The following PSMD1 variants were observed in gnomAD, a reference collection of about 807,000 sequenced individuals.
The protein encoded by PSMD1 is proteasome 26S subunit, non-ATPase 1, also known as 26S proteasome non-ATPase regulatory subunit 1.
PSMD1 carries 18 observed loss-of-function variants against 119.0 expected under a neutral mutation model. The ratio of observed to expected loss-of-function variants is 0.15; its 90% confidence interval spans 0.10 to 0.22. PSMD1 has a LOEUF of 0.22. Among genes scored for constraint, PSMD1 ranks in the 10% least tolerant of loss-of-function variants. PSMD1 has a pLI of 1.00. For missense variants in PSMD1, 702 were observed against 1,158.5 expected, an observed-to-expected ratio of 0.61 and a Z score of 5.72; for synonymous variants, 374 against 396.6, an observed-to-expected ratio of 0.94 and a Z score of 0.68.
At chr2:231,113,909 G>C (rs1695245697) in intron 16 of PSMD1, 1 of 1,614,106 alleles carries the variant, frequency 6.2e-7, no homozygotes, top group South Asian at 1.1e-5. Flanking sequence ...CATAGAACAA[G>C]TGGGAGGGGC....
At chr2:231,104,151 C>T (rs1694929068) in intron 16 of PSMD1, among the ~76,000 whole-genome samples, 1 of 152,140 alleles carries the variant, frequency 6.6e-6, no homozygotes, top group South Asian at 2.1e-4. Flanking sequence ...CAATATAAAT[C>T]AGTGGCTTGG....
chr2:231,134,345 G>C (rs1308030425), intron 16 of PSMD1, among the ~76,000 whole-genome samples: 1 of 152,168 alleles, frequency 6.6e-6, no homozygotes, highest in African/African-American at 2.4e-5. Context: ...ATCCAAAAAA[G>C]ATTTAGAACC....
chr2:231,148,950 C>T (rs1696310688), intron 18 of PSMD1, among the ~76,000 whole-genome samples: 1 of 152,114 alleles, frequency 6.6e-6, no homozygotes, highest in South Asian at 2.1e-4. Flanking sequence ...AAAACCAGTC[C>T]ATGAAATAAA....
Position 231,085,025 on chromosome 2 carries a change from A to G in PSMD1, c.1729A>G (p.Ile577Val), listed in dbSNP as rs764317805. The G allele has an allele frequency of 1.3e-5, 21 of 1,613,022 alleles. No homozygotes were observed. In the East Asian group the frequency reaches 2.0e-4, roughly 15 times the overall value. The change falls in exon 15 of 25, where the codon ATT becomes GTT. Residue 577 changes from isoleucine (I) to valine (V), a missense_variant. By Grantham distance (29) the Ile-to-Val change is conservative. Transcript: ENST00000308696. ...GTTAAATTATTTTTCTTAGGACCCA[A>G]TTCTTCGAAGGTCTGGAATGTATAC... ...IESLCRDKDP[I>V]LRRSGMYTVA...
chr2:231,056,954 G>A lies in PSMD1; in HGVS notation c.-72G>A. 1 of 1,533,606 alleles carries A rather than the reference G, an allele frequency of 6.5e-7. No individual in the cohort carries two copies. The highest frequency in any genetic ancestry group is 8.8e-7 in the Non-Finnish European group (1 of 1,140,308). The allele number at this position is 1,533,606 out of a possible 1,614,324, so 95.0% of individuals were successfully genotyped here. On this transcript the variant is annotated 5_prime_UTR_variant, in exon 1 of 25. Transcript: ENST00000308696. ...GCAAGGAGGCGCGGTGAACTGAGCGGCCCCTGAGCTGACAGATACACTGCG... is the reference window on the plus strand; with the variant it reads ...GCAAGGAGGCGCGGTGAACTGAGCGACCCCTGAGCTGACAGATACACTGCG...
chr2:231,120,794 A>T (rs1695514511), intron 16 of PSMD1, among the ~76,000 whole-genome samples: 2 of 152,208 alleles, frequency 1.3e-5, no homozygotes, highest in South Asian at 4.1e-4. Context: ...TTAATCTTTT[A>T]TCATAGAACC....
intron 16 of PSMD1, among the ~76,000 whole-genome samples, chr2:231,137,759 A>C (rs1696008986): frequency 1.3e-5 from 2 of 152,124 alleles, no homozygotes; most frequent in African/African-American, 2.4e-5. Context: ...CCCAGTGTTT[A>C]GCTCTCACTT....
At chr2:231,098,807 C>T (rs927748854) in intron 16 of PSMD1, among the ~76,000 whole-genome samples, 2 of 152,178 alleles carry the variant, frequency 1.3e-5, no homozygotes, top group Non-Finnish European at 2.9e-5. Context: ...GCAGTTTAAG[C>T]ACCTTTTTAA....
At chr2:231,116,107 T>TC in intron 16 of PSMD1, among the ~76,000 whole-genome samples, 1 of 152,110 alleles carries the variant, frequency 6.6e-6, no homozygotes, top group Non-Finnish European at 1.5e-5. Flanking sequence ...GAAAATCTAA[T>TC]CAATTGGATT....
chr2:231,153,488 C>A, intron 18 of PSMD1, 76 bp from the exon 19 acceptor site: 1 of 1,006,838 alleles, frequency 9.9e-7, no homozygotes, highest in Non-Finnish European at 1.6e-6. Context: ...ATCATTGGAG[C>A]AATATTATTC....
chr2:231,144,797 T>G (rs998979181), intron 17 of PSMD1, among the ~76,000 whole-genome samples: 9 of 152,200 alleles, frequency 5.9e-5, no homozygotes, highest in African/African-American at 1.7e-4. Flanking sequence ...TTTGGGCAAG[T>G]TATTTAACCT....
chr2:231,061,415 TG>T, intron 2 of PSMD1, 105 bp downstream of exon 2: 1 of 972,146 alleles, frequency 1.0e-6, no homozygotes, highest in Non-Finnish European at 1.5e-6. Flanking sequence ...CTGTCCTAGC[TG>T]GCTTGTACCC....
chr2:231,170,666 A>C lies in PSMD1; in HGVS notation c.2816A>C (p.Glu939Ala). 6.2e-7 allele frequency: 1 copy of C among 1,614,112 alleles called. No homozygotes were observed. Among genetic ancestry groups the C allele is most frequent in the Non-Finnish European group, 8.5e-7 (1 of 1,180,002 alleles). Residue 939 changes from glutamate to alanine, a missense_variant, in exon 24 of 25, where the codon GAA becomes GCA. Glu to Ala is a moderately radical substitution (Grantham distance 107). Coordinates refer to ENST00000308696, the MANE Select transcript of PSMD1 (RefSeq NM_002807.4). The surrounding 1 kb of genome is among the most constrained non-coding windows in gnomAD (Gnocchi z 4.1). ...AAHGPKIEEE[E>A]QEPEPPEPFE... ...CATGGCCCAAAAATCGAGGAGGAGG[A>C]ACAAGAGCCAGAACCCCCAGAACCA...
At chr2:231,153,839 C>T (rs1470464913) in intron 19 of PSMD1, among the ~76,000 whole-genome samples, 173 bp downstream of exon 19, 2 of 152,122 alleles carry the variant, frequency 1.3e-5, no homozygotes, top group Non-Finnish European at 2.9e-5. Context: ...ACAGGCCGGG[C>T]GCAATGGTTC....
At chr2:231,084,733 A>G (rs1694390393) in intron 14 of PSMD1, among the ~76,000 whole-genome samples, 1 of 152,234 alleles carries the variant, frequency 6.6e-6, no homozygotes, top group African/African-American at 2.4e-5. Context: ...GTGGACTGCC[A>G]TAGGAGTGGC....
chr2:231,127,261 GCAA>G (rs1230973689), intron 16 of PSMD1, among the ~76,000 whole-genome samples: 1 of 147,862 alleles, frequency 6.8e-6, no homozygotes, highest in East Asian at 1.9e-4. Flanking sequence ...AACTGAAACA[GCAA>G]CAACAACAAC....
intron 16 of PSMD1, among the ~76,000 whole-genome samples, chr2:231,115,771 G>A (rs1321381534): frequency 6.6e-6 from 1 of 152,130 alleles, no homozygotes; most frequent in African/African-American, 2.4e-5. Context: ...GTGTTATTTA[G>A]AACTGCCACT....
At chr2:231,165,783 A>G (rs1202058661) in intron 22 of PSMD1, 88 bp from the exon 23 acceptor site, 6 of 1,190,388 alleles carry the variant, frequency 5.0e-6, no homozygotes, top group South Asian at 1.5e-5. Context: ...CTTGTACCTT[A>G]TAGCTGCTCA....
intron 1 of PSMD1, among the ~76,000 whole-genome samples, chr2:231,058,049 G>A (rs994700341): frequency 2.6e-4 from 40 of 152,196 alleles, no homozygotes; most frequent in Non-Finnish European, 3.4e-4. Flanking sequence ...GAGATACTGG[G>A]AGACGTAGTT....
Sources: gnomAD v4.1 joint callset for allele counts (sites outside exome capture counted in the v4.1 genomes callset) on GRCh38, gnomAD v4.1.1 for gene constraint, Gnocchi (gnomAD v3.1) non-coding constraint, MANE v1.5 for transcripts, NCBI Gene and HGNC (gene_info 2026-07-23, HGNC 2026-07-21) for gene names.